Variants in DPF3 observed in about 807,000 individuals in gnomAD.
DPF3 encodes the protein double PHD fingers 3.
DPF3 carries 18 observed loss-of-function variants against 56.8 expected under a neutral mutation model. The observed-to-expected ratio is 0.32, with a 90% CI of 0.22 to 0.47. DPF3 has a LOEUF of 0.47. Ranked by LOEUF, DPF3 falls within the 20% of genes least tolerant of loss-of-function variation. The probability of loss-of-function intolerance (pLI) is 1.00; values close to 1 mark genes in which losing one functional copy is unlikely to be tolerated. For synonymous variants in DPF3, 188 were observed against 180.2 expected (o/e 1.04, Z -0.35); for missense variants, 403 against 488.8 (o/e 0.82, Z 1.65).
rs368797206 is a variant in DPF3 at position 72,672,029 on chromosome 14, CCACA to C, written c.871+2207_871+2210del. ...CCACATACATGTGCACGTGTGCACA[CCACA>C]CACACACACACACACACACACACAC... On this transcript the variant is annotated intron_variant, in intron 8 of 10. Coordinates refer to ENST00000556509, the MANE Select transcript of DPF3 (RefSeq NM_001280542.3). Among the ~76,000 whole-genome samples, 347 of 145,710 alleles carry C rather than the reference CCACA, an allele frequency of 2.4e-3. 2 individuals carry two copies. Among genetic ancestry groups the C allele is most frequent in the South Asian group, 4.9e-3 (22 of 4,528 alleles).
At chr14:72,765,423 G>T (rs1374529747) in intron 2 of DPF3, among the ~76,000 whole-genome samples, 1 of 152,102 alleles carries the variant, frequency 6.6e-6, no homozygotes, top group Non-Finnish European at 1.5e-5. Flanking sequence ...AAGGAGAAAG[G>T]AAAGCATATG....
chr14:72,828,143 A>G (rs1883893134), intron 1 of DPF3, among the ~76,000 whole-genome samples: 3 of 152,200 alleles, frequency 2.0e-5, no homozygotes, highest in Admixed American at 2.0e-4. Context: ...AAACATCATT[A>G]TTTCCACTTT....
At chr14:72,881,431 A>G (rs945306291) in intron 1 of DPF3, among the ~76,000 whole-genome samples, 1 of 152,142 alleles carries the variant, frequency 6.6e-6, no homozygotes, top group African/African-American at 2.4e-5. Flanking sequence ...AGTCCAAACC[A>G]TCACATAAGG....
At chr14:72,850,807 A>ATGTG (rs61246962) in intron 1 of DPF3, among the ~76,000 whole-genome samples, 317 of 151,748 alleles carry the variant, frequency 2.1e-3, no homozygotes, top group Middle Eastern at 0.014. Context: ...GCATGTGTGC[A>ATGTG]TGTGTGTGTG....
intron 1 of DPF3, among the ~76,000 whole-genome samples, chr14:72,828,974 T>A (rs544666270): frequency 6.6e-6 from 1 of 152,316 alleles, no homozygotes; most frequent in African/African-American, 2.4e-5. Flanking sequence ...AGAAACAGCC[T>A]TCTCACTTGG....
At chr14:72,843,321 A>T (rs1255464832) in intron 1 of DPF3, among the ~76,000 whole-genome samples, 3 of 152,190 alleles carry the variant, frequency 2.0e-5, no homozygotes, top group Non-Finnish European at 4.4e-5. Context: ...CTTCAAAAGC[A>T]TCGGGGGTTT....
intron 5 of DPF3, among the ~76,000 whole-genome samples, chr14:72,716,477 C>T (rs8012759): frequency 0.39 from 59,749 of 151,830 alleles, 12,160 homozygotes; most frequent in East Asian, 0.59. Context: ...TCAGAGAAGC[C>T]CTCCCTGACC....
intron 4 of DPF3, among the ~76,000 whole-genome samples, chr14:72,728,404 G>A (rs549090153): frequency 3.3e-5 from 5 of 152,236 alleles, no homozygotes; most frequent in East Asian, 1.9e-4. Flanking sequence ...AGGGCACAGC[G>A]GGACCAATGG....
At chr14:72,770,071 A>G (rs927575447) in intron 2 of DPF3, among the ~76,000 whole-genome samples, 10 of 152,192 alleles carry the variant, frequency 6.6e-5, no homozygotes, top group Non-Finnish European at 1.5e-4. Flanking sequence ...CCTTAATGGG[A>G]TAAAGAATCT....
At chr14:72,752,588 G>A (rs1599409707) in intron 3 of DPF3, among the ~76,000 whole-genome samples, 2 of 152,134 alleles carry the variant, frequency 1.3e-5, no homozygotes, top group Admixed American at 6.5e-5. Flanking sequence ...ACTTGGACTC[G>A]GGAGGCAGAG....
chr14:72,810,360 G>A (rs978005381), intron 1 of DPF3, among the ~76,000 whole-genome samples: 2 of 152,184 alleles, frequency 1.3e-5, no homozygotes, highest in Non-Finnish European at 2.9e-5. Flanking sequence ...TGCGGTCCAG[G>A]ACACAGAGGA....
rs1434432915 is a variant in DPF3, at chr14:72,773,716, A to C, written c.33-1823T>G. 11 of 418,036 alleles carry C rather than the reference A, an allele frequency of 2.6e-5. No individual in the cohort carries two copies. The East Asian group carries it at 7.7e-4, about 29-fold the overall frequency. The allele number at this position is 418,036 out of a possible 1,614,324, so 25.9% of individuals were successfully genotyped here. On this transcript the variant is annotated intron_variant, in intron 1 of 10. Transcript: ENST00000556509. ...GTACTTCATAAAAGTGGAGTCATAC[A>C]GTATTTGTCTTTTTGTGACTGGCTT...
intron 1 of DPF3, among the ~76,000 whole-genome samples, chr14:72,893,322 G>A (rs1343957394): frequency 1.3e-5 from 2 of 152,110 alleles, no homozygotes; most frequent in African/African-American, 4.8e-5. Context: ...AAGTTAACCC[G>A]AGTCGTTAAT....
intron 2 of DPF3, among the ~76,000 whole-genome samples, chr14:72,767,609 T>C (rs1191427068): frequency 6.6e-6 from 1 of 151,516 alleles, no homozygotes; most frequent in African/African-American, 2.4e-5. Flanking sequence ...GAGAAGAATT[T>C]TAAAAATAAA....
intron 1 of DPF3, among the ~76,000 whole-genome samples, chr14:72,870,740 T>A (rs1170519055): frequency 6.6e-6 from 1 of 152,202 alleles, no homozygotes; most frequent in African/African-American, 2.4e-5. Context: ...TGTCTCCTCA[T>A]TTTACAGATG....
intron 8 of DPF3, among the ~76,000 whole-genome samples, chr14:72,633,229 C>T (rs188211619): frequency 1.5e-4 from 23 of 152,218 alleles, no homozygotes; most frequent in Admixed American, 1.4e-3. Context: ...CTGTGTTGAG[C>T]ATGCTGAAAC....
At chr14:72,629,773 G>T in intron 8 of DPF3, 37 bp from the exon 9 acceptor site, 1 of 1,457,346 alleles carries the variant, frequency 6.9e-7, no homozygotes, top group Non-Finnish European at 9.3e-7. Flanking sequence ...TAGGGCCAAA[G>T]TATGAACTGC....
intron 1 of DPF3, among the ~76,000 whole-genome samples, chr14:72,844,715 C>T (rs1196572243): frequency 3.3e-5 from 5 of 152,298 alleles, no homozygotes; most frequent in Admixed American, 1.3e-4. Flanking sequence ...AATATTGACT[C>T]AGAATGCCCT....
chr14:72,652,151 C>T (rs1284567473), intron 8 of DPF3, among the ~76,000 whole-genome samples: 4 of 152,328 alleles, frequency 2.6e-5, no homozygotes. Context: ...GGAATTGACT[C>T]TCAGTGAGCC....
Sources: gnomAD v4.1 joint callset for allele counts (sites outside exome capture counted in the v4.1 genomes callset) on GRCh38, gnomAD v4.1.1 for gene constraint, MANE v1.5 for transcripts, NCBI Gene and HGNC (gene_info 2026-07-23, HGNC 2026-07-21) for gene names.